The following ZNG1A variants were observed in gnomAD, a reference collection of about 807,000 sequenced individuals.
The protein encoded by ZNG1A is zinc-regulated GTPase metalloprotein activator 1A.
the ZNG1A span, among the ~76,000 whole-genome samples, chr9:140,155 C>A: frequency 6.6e-6 from 1 of 150,914 alleles, no homozygotes; most frequent in East Asian, 1.9e-4. Context: ...CTGGGTGGAG[C>A]CCACCACAGC....
the ZNG1A span, among the ~76,000 whole-genome samples, chr9:149,628 TTC>T: frequency 6.7e-6 from 1 of 149,924 alleles, no homozygotes; most frequent in Non-Finnish European, 1.5e-5. Context: ...GTTTGTTTGC[TTC>T]TGTTTCCCCC....
chr9:155,864 G>A, the ZNG1A span, among the ~76,000 whole-genome samples: 1 of 149,946 alleles, frequency 6.7e-6, no homozygotes, highest in African/African-American at 2.5e-5. Context: ...CAGCACTTTG[G>A]GAGGCCGAGG....
chr9:177,098 G>T, the ZNG1A span, among the ~76,000 whole-genome samples: 4 of 152,178 alleles, frequency 2.6e-5, no homozygotes, highest in Non-Finnish European at 5.9e-5. Flanking sequence ...AGGAGTCACA[G>T]TAAAAAAGTA....
the ZNG1A span, among the ~76,000 whole-genome samples, chr9:135,999 T>TG: frequency 1.5e-5 from 1 of 65,814 alleles, no homozygotes; most frequent in African/African-American, 6.4e-5. Context: ...GTATGTAGAA[T>TG]GAGATTACTT....
At chr9:177,085 C>T in the ZNG1A span, among the ~76,000 whole-genome samples, 1 of 152,068 alleles carries the variant, frequency 6.6e-6, no homozygotes, top group African/African-American at 2.4e-5. Flanking sequence ...GACATCTAGC[C>T]AGAGGAGTCA....
chr9:140,218 A>G, the ZNG1A span, among the ~76,000 whole-genome samples: 1 of 151,840 alleles, frequency 6.6e-6, no homozygotes, highest in Admixed American at 6.6e-5. Context: ...CAGGGCACAG[A>G]CACACAAAAA....
At chr9:170,407 G>GTGTGTGTA in the ZNG1A span, among the ~76,000 whole-genome samples, 4,742 of 145,852 alleles carry the variant, frequency 0.033, 396 homozygotes, top group African/African-American at 0.12. Flanking sequence ...GTGTGTGTGT[G>GTGTGTGTA]TACAGTCTTG....
chr9:178,107 T>A, the ZNG1A span, among the ~76,000 whole-genome samples: 1 of 151,218 alleles, frequency 6.6e-6, no homozygotes. Flanking sequence ...TTTAAAAATA[T>A]ATTTCTCAAA....
At chr9:158,281 T>C in the ZNG1A span, among the ~76,000 whole-genome samples, 5 of 151,982 alleles carry the variant, frequency 3.3e-5, no homozygotes, top group Admixed American at 6.6e-5. Context: ...AGATGTTACA[T>C]GAAAAATGCC....
the ZNG1A span, among the ~76,000 whole-genome samples, chr9:128,931 A>G: frequency 6.6e-6 from 1 of 151,638 alleles, no homozygotes; most frequent in South Asian, 2.1e-4. Context: ...GCTGAGCTGT[A>G]GTGATTGCTA....
At chr9:156,147 T>C in the ZNG1A span, among the ~76,000 whole-genome samples, 2 of 67,482 alleles carry the variant, frequency 3.0e-5, no homozygotes, top group Non-Finnish European at 6.7e-5. Context: ...TTATTATTAT[T>C]ATTATACATA....
At chr9:176,349 C>A in the ZNG1A span, among the ~76,000 whole-genome samples, 44 of 142,418 alleles carry the variant, frequency 3.1e-4, no homozygotes, top group African/African-American at 1.1e-3. Context: ...AAAAGAAAAT[C>A]CTAACTGCAT....
chr9:174,504 C>T, the ZNG1A span, among the ~76,000 whole-genome samples: 1 of 151,502 alleles, frequency 6.6e-6, no homozygotes, highest in African/African-American at 2.4e-5. Flanking sequence ...AAAAATGATC[C>T]AGGAAAAAAT....
chr9:166,880 A>T, the ZNG1A span: 3 of 152,142 alleles, frequency 2.0e-5, no homozygotes, highest in African/African-American at 7.2e-5. Flanking sequence ...CGAACAACAA[A>T]AGAAAATTCA....
At chr9:160,041 A>G in the ZNG1A span, 2 of 454,510 alleles carry the variant, frequency 4.4e-6, no homozygotes, top group South Asian at 3.1e-5. Flanking sequence ...ATTGCATTAA[A>G]TGCTGTCACA....
chr9:138,825 G>A, the ZNG1A span, among the ~76,000 whole-genome samples: 1 of 149,830 alleles, frequency 6.7e-6, no homozygotes, highest in Non-Finnish European at 1.5e-5. Context: ...GATCACTTGA[G>A]CCCAGGAGGT....
chr9:127,437 CTT>C, the ZNG1A span, among the ~76,000 whole-genome samples: 2 of 151,854 alleles, frequency 1.3e-5, no homozygotes, highest in Non-Finnish European at 2.9e-5. Context: ...TAATGTCCCT[CTT>C]TGTCTTTTTA....
At chr9:170,392 CGTGT>C in the ZNG1A span, among the ~76,000 whole-genome samples, 18 of 139,336 alleles carry the variant, frequency 1.3e-4, no homozygotes, top group Non-Finnish European at 2.3e-4. Context: ...TGTGCATGTG[CGTGT>C]GTGTGTGTGT....
At chr9:138,200 G>A in the ZNG1A span, among the ~76,000 whole-genome samples, 1 of 151,900 alleles carries the variant, frequency 6.6e-6, no homozygotes, top group Admixed American at 6.6e-5. Context: ...AGTCTAAAAA[G>A]GTACTGCTCC....
Sources: gnomAD v4.1 joint callset for allele counts (sites outside exome capture counted in the v4.1 genomes callset) on GRCh38, gnomAD v4.1.1 for gene constraint, MANE v1.5 for transcripts, NCBI Gene and HGNC (gene_info 2026-07-23, HGNC 2026-07-21) for gene names.